RAB3GAP2: variants seen among roughly 807,000 people sequenced by gnomAD.
The protein encoded by RAB3GAP2 is RAB3 GTPase activating non-catalytic protein subunit 2.
Under a neutral mutation model 185.3 loss-of-function variants are expected in RAB3GAP2, and 87 were observed. The observed-to-expected ratio is 0.47, with a 90% confidence interval of 0.39 to 0.56. RAB3GAP2 has a LOEUF of 0.56. Ranked by LOEUF, RAB3GAP2 falls within the 20% of genes least tolerant of loss-of-function variation. The pLI, the probability that RAB3GAP2 is intolerant of heterozygous loss-of-function variation, is 0.00. For synonymous variants in RAB3GAP2, 554 were observed against 576.1 expected (o/e 0.96, Z 0.55); for missense variants, 1,492 against 1,638.2 (o/e 0.91, Z 1.54).
intron 2 of RAB3GAP2, among the ~76,000 whole-genome samples, chr1:220,230,990 A>G (rs1659489014): frequency 1.3e-5 from 2 of 152,114 alleles, no homozygotes; most frequent in Admixed American, 6.6e-5. Context: ...TCATCTCTCA[A>G]CTAAGCTACT....
Position 220,193,230 on chromosome 1 carries a change from TAAG to T in RAB3GAP2, c.1270+7_1270+9del, listed in dbSNP as rs1658658055. 6.2e-7 allele frequency: 1 copy of T among 1,613,806 alleles called. No individual in the cohort carries two copies. ...AATTAATTGTTTTTCTGGATTTTTG[TAAG>T]AAGTACCTTTCCACATGCGTATTGC... On this transcript the variant is annotated splice_region_variant and intron_variant, in intron 13 of 34. Coordinates refer to ENST00000358951, the MANE Select transcript of RAB3GAP2 (RefSeq NM_012414.4).
At chr1:220,155,738 C>T (rs1240925994) in intron 31 of RAB3GAP2, among the ~76,000 whole-genome samples, 1 of 152,174 alleles carries the variant, frequency 6.6e-6, no homozygotes, top group African/African-American at 2.4e-5. Context: ...AGATGAGTGT[C>T]ACCCAGCTGT....
intron 1 of RAB3GAP2, among the ~76,000 whole-genome samples, chr1:220,241,833 G>C (rs994080931): frequency 1.3e-5 from 2 of 151,570 alleles, no homozygotes; most frequent in Non-Finnish European, 2.9e-5. Flanking sequence ...TTATAATTCT[G>C]TTTTTTTAAC....
intron 3 of RAB3GAP2, 111 bp downstream of exon 3, chr1:220,213,742 GGGA>G (rs1273373240): frequency 2.3e-4 from 224 of 987,228 alleles, no homozygotes; most frequent in Middle Eastern, 6.3e-4. Context: ...TGGGGGGGGG[GGGA>G]GAGAGAGAGA....
intron 7 of RAB3GAP2, among the ~76,000 whole-genome samples, chr1:220,206,516 T>C (rs1485941476): frequency 6.6e-6 from 1 of 152,232 alleles, no homozygotes; most frequent in African/African-American, 2.4e-5. Flanking sequence ...TCATTATATG[T>C]ACCCGATTTT....
intron 1 of RAB3GAP2, among the ~76,000 whole-genome samples, chr1:220,262,065 A>T (rs1430424114): frequency 6.6e-6 from 1 of 151,594 alleles, no homozygotes; most frequent in African/African-American, 2.4e-5. Context: ...CAAGGCGGGC[A>T]GATCACGAGG....
chr1:220,261,081 G>C (rs1401847718), intron 1 of RAB3GAP2, among the ~76,000 whole-genome samples: 1 of 152,078 alleles, frequency 6.6e-6, no homozygotes, highest in Non-Finnish European at 1.5e-5. Flanking sequence ...AAAAAAAAGG[G>C]GGGGCAATGT....
intron 21 of RAB3GAP2, among the ~76,000 whole-genome samples, chr1:220,176,865 C>T (rs919539101): frequency 6.6e-6 from 1 of 152,218 alleles, no homozygotes; most frequent in Non-Finnish European, 1.5e-5. Context: ...TCCATTCCCA[C>T]AGCTGATCCC....
chr1:220,191,923 ATAGAAAATATGGGTTAC>A (rs1342225199), intron 13 of RAB3GAP2, among the ~76,000 whole-genome samples: 4 of 152,098 alleles, frequency 2.6e-5, no homozygotes, highest in Non-Finnish European at 4.4e-5. Flanking sequence ...TGACATGCAG[ATAGAAAATATGGGTTAC>A]AGGACGATGG....
Position 220,190,100 on chromosome 1 carries a change from G to C in RAB3GAP2, c.1678C>G (p.Leu560Val). ...GATTTTGTTTTCAGTAAGGCTGCTA[G>C]TTTCTTCACTAGGTGCATATCCTTG... The part of the protein sequence containing the change: ...RAKDMHLVKK[L>V]AALLKTKSPN... The change falls in exon 16 of 35, where the codon CTA (leucine) becomes GTA (valine). Residue 560 changes from leucine (L) to valine (V), a missense_variant. Physicochemically the swap from Leu to Val is conservative, Grantham distance 32. Coordinates refer to ENST00000358951, the MANE Select transcript of RAB3GAP2 (RefSeq NM_012414.4). The C allele has an allele frequency of 6.2e-7, 1 of 1,613,488 alleles. No individual in the cohort carries two copies. Among genetic ancestry groups the C allele is most frequent in the Non-Finnish European group, 8.5e-7 (1 of 1,179,562 alleles).
intron 24 of RAB3GAP2, among the ~76,000 whole-genome samples, chr1:220,170,456 A>G (rs1558143072): frequency 6.6e-6 from 1 of 152,150 alleles, no homozygotes; most frequent in Non-Finnish European, 1.5e-5. Flanking sequence ...AAAAAAAAAA[A>G]GGATATTTGG....
chr1:220,152,136 T>A (rs1055711520), intron 33 of RAB3GAP2, among the ~76,000 whole-genome samples: 3 of 152,146 alleles, frequency 2.0e-5, no homozygotes, highest in African/African-American at 4.8e-5. Flanking sequence ...AGTGCAGTGG[T>A]GCAATCTCAG....
chr1:220,244,969 T>C (rs1659772753), intron 1 of RAB3GAP2, among the ~76,000 whole-genome samples: 1 of 152,022 alleles, frequency 6.6e-6, no homozygotes, highest in Admixed American at 6.6e-5. Flanking sequence ...AATAAATAAA[T>C]GGGATCTATT....
rs1558150723 is a variant in RAB3GAP2, at chr1:220,193,280, T to C, written c.1230A>G (p.Leu410=). ...AVTDDFGRVI[L]LDVARGIAIR... ...TTGCAATTCCTCTAGCTACATCCAATAAAATAACTCTGCCGAAATCATCTG... is the reference window on the plus strand; with the variant it reads ...TTGCAATTCCTCTAGCTACATCCAACAAAATAACTCTGCCGAAATCATCTG... The change falls in exon 13 of 35, where the codon TTA becomes TTG. Residue 410 remains leucine, a synonymous_variant. Transcript: ENST00000358951. 1 of 1,613,996 alleles carries C rather than the reference T, an allele frequency of 6.2e-7. No individual in the cohort carries two copies. The highest frequency in any genetic ancestry group is 8.5e-7 in the Non-Finnish European group (1 of 1,179,942).
At chr1:220,250,197 G>A (rs756499532) in intron 1 of RAB3GAP2, among the ~76,000 whole-genome samples, 19 of 152,346 alleles carry the variant, frequency 1.2e-4, no homozygotes, top group Admixed American at 1.2e-3. Context: ...AAGCCACAGG[G>A]GGGGAGCTGC....
chr1:220,190,269 A>G, intron 15 of RAB3GAP2, 108 bp downstream of exon 15: 2 of 1,551,108 alleles, frequency 1.3e-6, no homozygotes, highest in Non-Finnish European at 1.8e-6. Flanking sequence ...ATCAGTCTAA[A>G]GACAAAGGAA....
intron 12 of RAB3GAP2, among the ~76,000 whole-genome samples, chr1:220,194,323 T>A (rs1195390499): frequency 6.6e-6 from 1 of 150,924 alleles, no homozygotes. Flanking sequence ...TCTAAAGCAC[T>A]ACTGAAGTAA....
In RAB3GAP2 at chr1:220,162,383, T is replaced by C. The variant is rs74139288; in HGVS notation, c.3155-115A>G. The C allele has an allele frequency of 8.5e-3, 5,909 of 696,332 alleles. 190 individuals are homozygous for C. The highest frequency in any genetic ancestry group is 0.08 in the African/African-American group (4,424 of 55,032). The allele number at this position is 696,332 out of a possible 1,614,324, so 43.1% of individuals were successfully genotyped here. ...ATATAGACTATTTTGATTTCATTTT[T>C]TATATCTCATGTAATATTTATAAAG... On this transcript the variant is annotated intron_variant, in intron 27 of 34. Coordinates refer to ENST00000358951, the MANE Select transcript of RAB3GAP2 (RefSeq NM_012414.4).
intron 18 of RAB3GAP2, among the ~76,000 whole-genome samples, chr1:220,185,261 A>G (rs1271689650): frequency 6.6e-6 from 1 of 152,184 alleles, no homozygotes; most frequent in Non-Finnish European, 1.5e-5. Flanking sequence ...AATTTTGAAT[A>G]TCAAAAAATG....
Sources: gnomAD v4.1 joint callset for allele counts (sites outside exome capture counted in the v4.1 genomes callset) on GRCh38, gnomAD v4.1.1 for gene constraint, MANE v1.5 for transcripts, NCBI Gene and HGNC (gene_info 2026-07-23, HGNC 2026-07-21) for gene names.